The following TEAD4 variants were observed in gnomAD, a reference collection of about 807,000 sequenced individuals.
The protein encoded by TEAD4 is transcriptional enhancer factor TEF-3.
A neutral mutation model predicts 52.4 loss-of-function variants in TEAD4; 36 were observed. The ratio of observed to expected loss-of-function variants is 0.69; its 90% CI spans 0.53 to 0.91. The LOEUF (loss-of-function observed/expected upper bound fraction) is 0.91, where lower values mean the gene tolerates loss of function less well. TEAD4 is among the 40% of genes least tolerant of loss of function. TEAD4 has a pLI of 0.00. For missense variants in TEAD4, 508 were observed against 583.9 expected, an observed-to-expected ratio of 0.87 and a Z score of 1.34; for synonymous variants, 220 against 231.0, an observed-to-expected ratio of 0.95 and a Z score of 0.43.
intron 2 of TEAD4, among the ~76,000 whole-genome samples, chr12:2,970,785 T>G (rs1003633180): frequency 3.3e-5 from 5 of 152,206 alleles, no homozygotes; most frequent in African/African-American, 1.2e-4. Flanking sequence ...TCTGTCTGCC[T>G]GGGGCTTGAA....
In TEAD4 at chr12:2,973,005, C is replaced by G. The variant is rs771329782; in HGVS notation, c.-30+12965C>G. On this transcript the variant is annotated intron_variant, in intron 2 of 12. Coordinates refer to ENST00000359864, the MANE Select transcript of TEAD4 (RefSeq NM_003213.4). ...TGGCCCCTTGGAGGTCATCCCTCCC[C>G]CTTCCCCTCTTGGCATCCCCTGGCC... Among the ~76,000 whole-genome samples, 3 of 152,318 alleles carry G rather than the reference C, an allele frequency of 2.0e-5. No homozygotes were observed. The East Asian group carries it at 5.8e-4, about 29-fold the overall frequency.
At chr12:3,020,849 C>A in intron 9 of TEAD4, 76 bp downstream of exon 9, 4 of 1,424,058 alleles carry the variant, frequency 2.8e-6, no homozygotes, top group Non-Finnish European at 3.7e-6. Flanking sequence ...CAGTCTTGCC[C>A]CACTCCATGC....
At chr12:3,040,313 T>C (rs979663256) in intron 12 of TEAD4, 52 bp from the exon 13 acceptor site, 1 of 1,613,902 alleles carries the variant, frequency 6.2e-7, no homozygotes, top group African/African-American at 1.3e-5. Context: ...GTAGCAGCCA[T>C]GGCATGCCCC....
chr12:2,985,145 G>T (rs2098237056), intron 2 of TEAD4, among the ~76,000 whole-genome samples: 1 of 152,008 alleles, frequency 6.6e-6, no homozygotes, highest in Non-Finnish European at 1.5e-5. Flanking sequence ...AGCACTTTGG[G>T]AGGCCGAGGC....
intron 3 of TEAD4, among the ~76,000 whole-genome samples, chr12:2,999,534 T>C (rs1251660475): frequency 6.6e-6 from 1 of 152,216 alleles, no homozygotes; most frequent in Non-Finnish European, 1.5e-5. Context: ...TAACACCTGC[T>C]ATTTCTGAGC....
At chr12:3,002,583 G>A (rs1299270164) in intron 3 of TEAD4, among the ~76,000 whole-genome samples, 2 of 152,168 alleles carry the variant, frequency 1.3e-5, no homozygotes, top group Non-Finnish European at 1.5e-5. Context: ...TTTTTGATTT[G>A]CATTTCCCTG....
intron 3 of TEAD4, among the ~76,000 whole-genome samples, chr12:3,003,420 A>G (rs574272965): frequency 2.0e-5 from 3 of 152,288 alleles, no homozygotes; most frequent in African/African-American, 7.2e-5. Flanking sequence ...GACTCAGCAC[A>G]GAGGAAATGA....
In TEAD4 at chr12:3,007,153, G is replaced by A. The variant is rs1386640116; in HGVS notation, c.227-3851G>A. 4.6e-5 allele frequency among the ~76,000 whole-genome samples: 7 copies of A among 152,206 alleles called. No homozygotes were observed. In the East Asian group the frequency reaches 1.2e-3, roughly 25 times the overall value. ...TCTAGCAGCAGAGCCCTGGAACCTT[G>A]TGGCAGAGGGTGAGGGTAGTTGTGG... On this transcript the variant is annotated intron_variant, in intron 3 of 12. Coordinates refer to ENST00000359864, the MANE Select transcript of TEAD4 (RefSeq NM_003213.4).
At position 3,021,956 on chromosome 12, in the gene TEAD4, G is replaced by A; in HGVS notation, c.836G>A (p.Gly279Asp). ...TATGACAAATTCCCGGAGAAAAAGG[G>A]TGGACTCAAGGATCTCTTCGAACGG... The change falls in exon 10 of 13, where the codon GGT (glycine) becomes GAT (aspartate). Residue 279 changes from glycine to aspartate, a missense_variant. Transcript: ENST00000359864. 3 of 1,614,254 alleles carry A rather than the reference G, an allele frequency of 1.9e-6. No individual in the cohort carries two copies. Among genetic ancestry groups the A allele is most frequent in the Non-Finnish European group, 2.5e-6 (3 of 1,180,048 alleles).
At chr12:3,019,229 T>C in intron 8 of TEAD4, 59 bp downstream of exon 8, 1 of 1,599,774 alleles carries the variant, frequency 6.3e-7, no homozygotes, top group Non-Finnish European at 8.5e-7. Flanking sequence ...TGCCTCTGGG[T>C]CCAGGCCCCC....
chr12:2,991,795 A>G (rs1318468906), intron 2 of TEAD4, among the ~76,000 whole-genome samples: 1 of 152,184 alleles, frequency 6.6e-6, no homozygotes, highest in African/African-American at 2.4e-5. Context: ...CCAAACTCTC[A>G]TGAAAACTTA....
intron 2 of TEAD4, among the ~76,000 whole-genome samples, chr12:2,985,443 C>G (rs1472042072): frequency 6.8e-6 from 1 of 146,130 alleles, no homozygotes; most frequent in Non-Finnish European, 1.5e-5. Flanking sequence ...TACAGCTGTA[C>G]AAAAATATTT....
chr12:3,037,228 A>G (rs1423443132), intron 10 of TEAD4, among the ~76,000 whole-genome samples: 2 of 152,206 alleles, frequency 1.3e-5, no homozygotes, highest in Non-Finnish European at 2.9e-5. Context: ...CCTTGTGGCT[A>G]AATGGCTCAA....
intron 2 of TEAD4, among the ~76,000 whole-genome samples, chr12:2,967,851 A>G (rs2098221683): frequency 6.6e-6 from 1 of 152,176 alleles, no homozygotes; most frequent in Non-Finnish European, 1.5e-5. Context: ...ACCCAGGTCA[A>G]TCTGACTCTC....
chr12:2,972,936 A>G (rs1308883654), intron 2 of TEAD4, among the ~76,000 whole-genome samples: 1 of 152,202 alleles, frequency 6.6e-6, no homozygotes, highest in Non-Finnish European at 1.5e-5. Context: ...CGCCACCATC[A>G]AGGTAAAGAC....
chr12:3,017,286 C>A, intron 5 of TEAD4, 112 bp from the exon 6 acceptor site: 1 of 1,424,266 alleles, frequency 7.0e-7, no homozygotes, highest in Non-Finnish European at 9.7e-7. Context: ...CCTGGTCCCC[C>A]AGCTCTGGCC....
chr12:3,002,106 G>A (rs960672090), intron 3 of TEAD4, among the ~76,000 whole-genome samples: 11 of 152,112 alleles, frequency 7.2e-5, no homozygotes, highest in African/African-American at 2.7e-4. Context: ...AGAAAAAAAT[G>A]TAATCATACA....
intron 5 of TEAD4, among the ~76,000 whole-genome samples, chr12:3,015,728 T>C (rs1249742579): frequency 6.6e-6 from 1 of 152,148 alleles, no homozygotes; most frequent in Non-Finnish European, 1.5e-5. Context: ...CTGTCACAGC[T>C]CACTGCAGCC....
At position 3,016,844 on chromosome 12, in the gene TEAD4, C is replaced by A. The variant is rs561592453; in HGVS notation, c.355-554C>A. 3.9e-4 allele frequency among the ~76,000 whole-genome samples: 59 copies of A among 152,232 alleles called. No homozygotes were observed. In the South Asian group the frequency reaches 5.2e-3, roughly 13 times the overall value. On this transcript the variant is annotated intron_variant, in intron 5 of 12. Coordinates refer to ENST00000359864, the MANE Select transcript of TEAD4 (RefSeq NM_003213.4). Reference sequence around the variant, plus strand: ...GAACCCATCCTCTGGGGTCTTGGAACCTTTGGAGGGCAGACAGTGGGTATT... The same window carrying A: ...GAACCCATCCTCTGGGGTCTTGGAAACTTTGGAGGGCAGACAGTGGGTATT...
Sources: allele counts gnomAD v4.1 joint callset (sites outside exome capture counted in the v4.1 genomes callset), GRCh38; gene constraint gnomAD v4.1.1; transcripts MANE v1.5; gene names NCBI Gene and HGNC (gene_info 2026-07-23, HGNC 2026-07-21).